The following SPAG16 variants were observed in gnomAD, a reference collection of about 807,000 sequenced individuals.
SPAG16 encodes sperm associated antigen 16, also known as sperm-associated antigen 16 protein.
SPAG16 carries 86 observed loss-of-function variants against 80.4 expected under a neutral mutation model. The observed-to-expected ratio is 1.07, with a 90% CI of 0.90 to 1.28. The LOEUF (loss-of-function observed/expected upper bound fraction) is 1.28. SPAG16 is among the 50% of genes most tolerant of loss of function. SPAG16 has a pLI of 0.00. For missense variants in SPAG16, 870 were observed against 765.3 expected, an observed-to-expected ratio of 1.14 and a Z score of -1.61; for synonymous variants, 294 against 265.9, an observed-to-expected ratio of 1.11 and a Z score of -1.03.
chr2:213,715,926 TG>T (rs2066221106), intron 10 of SPAG16, among the ~76,000 whole-genome samples: 1 of 151,564 alleles, frequency 6.6e-6, no homozygotes, highest in Non-Finnish European at 1.5e-5. Flanking sequence ...ATTAGTTAAG[TG>T]GGAAAAAGTT....
chr2:213,375,582 A>C (rs968138565), intron 9 of SPAG16, among the ~76,000 whole-genome samples: 1 of 152,098 alleles, frequency 6.6e-6, no homozygotes, highest in African/African-American at 2.4e-5. Context: ...TGGTAGTTTA[A>C]ATCTTTGCCA....
At chr2:213,850,644 A>G (rs775775154) in intron 10 of SPAG16, among the ~76,000 whole-genome samples, 9 of 151,954 alleles carry the variant, frequency 5.9e-5, no homozygotes, top group Non-Finnish European at 1.2e-4. Context: ...TTTGTAGCAG[A>G]TGGGTTCTAG....
intron 10 of SPAG16, among the ~76,000 whole-genome samples, chr2:213,546,813 A>G (rs1228595195): frequency 6.6e-6 from 1 of 152,182 alleles, no homozygotes; most frequent in African/African-American, 2.4e-5. Context: ...AGTAGGGGTT[A>G]TAATCACCGT....
At chr2:214,099,052 A>C (rs371590450) in intron 13 of SPAG16, among the ~76,000 whole-genome samples, 7 of 152,112 alleles carry the variant, frequency 4.6e-5, no homozygotes, top group African/African-American at 1.7e-4. Context: ...GTGCTCACTG[A>C]AGTTACTTGT....
rs1553562796 is a variant in SPAG16 at position 214,352,554 on chromosome 2, T to TCTGTGTGTGTGTG, written c.1721-57586_1721-57585insCTGTGTGTGTGTG. Among the ~76,000 whole-genome samples the TCTGTGTGTGTGTG allele has an allele frequency of 9.6e-3, 133 of 13,884 alleles. 1 individual carries two copies. In the South Asian group the frequency reaches 0.19, roughly 20 times the overall value. 9.1% of individuals were successfully genotyped at this position (13,884 alleles called of 152,430 possible). On this transcript the variant is annotated intron_variant, in intron 15 of 15. Transcript: ENST00000331683. Reference sequence around the variant, plus strand: ...TAATGCTTTTTGTCCTTGACTTTTTTTCTCTGTGTGTGTGTGTGTGTATGT... The same window carrying TCTGTGTGTGTGTG: ...TAATGCTTTTTGTCCTTGACTTTTTTCTGTGTGTGTGTGTCTCTGTGTGTGTGTGTGTGTATGT...
At chr2:214,379,696 T>C (rs892000737) in intron 15 of SPAG16, among the ~76,000 whole-genome samples, 5 of 152,212 alleles carry the variant, frequency 3.3e-5, no homozygotes, top group African/African-American at 4.8e-5. Context: ...CTTAATGATC[T>C]CCTTAGGCCT....
At chr2:213,550,147 G>A (rs1336355564) in intron 10 of SPAG16, among the ~76,000 whole-genome samples, 1 of 151,386 alleles carries the variant, frequency 6.6e-6, no homozygotes, top group Admixed American at 6.6e-5. Context: ...CCATATTTAT[G>A]TTACTTCCTT....
At chr2:214,154,484 G>T (rs1170901582) in intron 15 of SPAG16, among the ~76,000 whole-genome samples, 1 of 141,246 alleles carries the variant, frequency 7.1e-6, no homozygotes, top group Non-Finnish European at 1.5e-5. Flanking sequence ...CATTCAAAAT[G>T]CAAAAAGTAT....
intron 10 of SPAG16, among the ~76,000 whole-genome samples, chr2:213,648,334 G>T (rs1364619820): frequency 6.6e-6 from 1 of 152,150 alleles, no homozygotes; most frequent in Non-Finnish European, 1.5e-5. Context: ...TAGCACAGAT[G>T]TAGAAAGCTT....
At chr2:213,769,042 G>A (rs998591515) in intron 10 of SPAG16, among the ~76,000 whole-genome samples, 2 of 152,108 alleles carry the variant, frequency 1.3e-5, no homozygotes, top group African/African-American at 4.8e-5. Context: ...TTATAAAAAG[G>A]GTGAGGTCAG....
chr2:213,759,330 A>AATAT (rs139577546), intron 10 of SPAG16, among the ~76,000 whole-genome samples: 10 of 151,744 alleles, frequency 6.6e-5, no homozygotes, highest in Non-Finnish European at 1.5e-4. Context: ...TTAAGAGGTT[A>AATAT]ATATATATAT....
At chr2:213,772,284 A>G (rs2069297305) in intron 10 of SPAG16, among the ~76,000 whole-genome samples, 1 of 152,126 alleles carries the variant, frequency 6.6e-6, no homozygotes. Context: ...ATTTTTGCAC[A>G]TTGATTTTGT....
Position 213,929,934 on chromosome 2 carries a change from C to T in SPAG16, c.1215-26C>T, listed in dbSNP as rs28606463. ...AAAATTATGTTACTTTTTAAACAAG[C>T]TGTCTTTTTATGTTTTTGCAAATAG... On this transcript the variant is annotated intron_variant, in intron 11 of 15. Coordinates refer to ENST00000331683, the MANE Select transcript of SPAG16 (RefSeq NM_024532.5). 2.5e-5 allele frequency: 39 copies of T among 1,591,734 alleles called. No homozygotes were observed. The African/African-American group carries it at 4.2e-4, about 17-fold the overall frequency.
intron 15 of SPAG16, among the ~76,000 whole-genome samples, chr2:214,305,199 C>T (rs116492381): frequency 0.013 from 2,055 of 152,222 alleles, 33 homozygotes; most frequent in Non-Finnish European, 0.02. Context: ...TGTTCATATC[C>T]GTTGCTCATT....
intron 5 of SPAG16, among the ~76,000 whole-genome samples, chr2:213,325,882 G>C (rs1050201490): frequency 5.3e-5 from 8 of 152,028 alleles, no homozygotes; most frequent in African/African-American, 1.9e-4. Flanking sequence ...CTATCTCTGT[G>C]CCTGGTACAT....
intron 15 of SPAG16, among the ~76,000 whole-genome samples, chr2:214,348,371 G>A (rs1169658031): frequency 1.3e-5 from 2 of 152,100 alleles, no homozygotes; most frequent in African/African-American, 4.8e-5. Context: ...TTTTTGACAT[G>A]GCCATAAATT....
intron 9 of SPAG16, among the ~76,000 whole-genome samples, chr2:213,402,670 T>G (rs2068384245): frequency 6.6e-6 from 1 of 151,466 alleles, no homozygotes; most frequent in South Asian, 2.1e-4. Flanking sequence ...AGTGAGAACA[T>G]GCGGTGTTTG....
At chr2:214,059,238 A>ATATATATATATG (rs1359411407) in intron 13 of SPAG16, among the ~76,000 whole-genome samples, 3 of 112,684 alleles carry the variant, frequency 2.7e-5, no homozygotes, top group African/African-American at 1.0e-4. Context: ...ATATATATAT[A>ATATATATATATG]TATGTATGTA....
intron 7 of SPAG16, among the ~76,000 whole-genome samples, chr2:213,355,064 T>G (rs995582453): frequency 4.0e-4 from 61 of 152,312 alleles, no homozygotes; most frequent in African/African-American, 1.4e-3. Flanking sequence ...AGGGATCCAG[T>G]TTCAGTTTTC....
Sources: gnomAD v4.1 joint callset for allele counts (sites outside exome capture counted in the v4.1 genomes callset) on GRCh38, gnomAD v4.1.1 for gene constraint, MANE v1.5 for transcripts, NCBI Gene and HGNC (gene_info 2026-07-23, HGNC 2026-07-21) for gene names.